The following C10orf90 variants were observed in gnomAD, a reference collection of about 807,000 sequenced individuals.
The protein encoded by C10orf90 is (E2-independent) E3 ubiquitin-conjugating enzyme FATS.
C10orf90 carries 56 observed loss-of-function variants against 62.5 expected under a neutral mutation model. That is an observed-to-expected ratio of 0.90 (90% confidence interval 0.72 to 1.12). The LOEUF (loss-of-function observed/expected upper bound fraction) is 1.12. C10orf90 is among the 50% of genes most tolerant of loss of function. The pLI, the probability that C10orf90 is intolerant of heterozygous loss-of-function variation, is 0.00. For missense variants in C10orf90, 970 were observed against 880.4 expected, an observed-to-expected ratio of 1.10 and a Z score of -1.29; for synonymous variants, 386 against 340.4, an observed-to-expected ratio of 1.13 and a Z score of -1.47.
chr10:126,493,764 T>C (rs574398032), intron 4 of C10orf90, among the ~76,000 whole-genome samples: 17 of 152,382 alleles, frequency 1.1e-4, no homozygotes, highest in Non-Finnish European at 1.5e-5. Flanking sequence ...CAGTGAATGA[T>C]GCTAGACCTG....
intron 2 of C10orf90, among the ~76,000 whole-genome samples, chr10:126,569,469 C>A (rs1004600232): frequency 1.3e-5 from 2 of 152,158 alleles, no homozygotes; most frequent in African/African-American, 2.4e-5. Flanking sequence ...ACTGGACCTG[C>A]CTTTGAGGGT....
intron 2 of C10orf90, among the ~76,000 whole-genome samples, chr10:126,627,181 A>G (rs954823277): frequency 6.6e-6 from 1 of 151,506 alleles, no homozygotes; most frequent in Non-Finnish European, 1.5e-5. Flanking sequence ...TTGTATTTTT[A>G]ACAAAGATGG....
At chr10:126,535,534 T>C (rs1191762950) in intron 2 of C10orf90, among the ~76,000 whole-genome samples, 6 of 148,132 alleles carry the variant, frequency 4.1e-5, no homozygotes, top group African/African-American at 1.5e-4. Flanking sequence ...AAAAAAAAAA[T>C]TGTCTTCTGT....
intron 4 of C10orf90, among the ~76,000 whole-genome samples, chr10:126,493,598 C>CT (rs1861878806): frequency 3.8e-5 from 1 of 26,420 alleles, no homozygotes; most frequent in Non-Finnish European, 6.4e-5. Flanking sequence ...CGCAGGTGAT[C>CT]GCCCACCTCG....
intron 2 of C10orf90, among the ~76,000 whole-genome samples, chr10:126,643,802 G>A (rs908722731): frequency 2.0e-5 from 3 of 152,206 alleles, no homozygotes; most frequent in African/African-American, 7.2e-5. Flanking sequence ...CACTGAGAGG[G>A]CTAAGAAAGA....
At position 126,453,566 on chromosome 10, in the gene C10orf90, C is replaced by T. The variant is rs907260315; in HGVS notation, c.2188+5474G>A. On this transcript the variant is annotated intron_variant, in intron 7 of 9. Coordinates refer to ENST00000488181, the MANE Select transcript of C10orf90 (RefSeq NM_001350921.2). This position sits in a 1 kb window ranked among gnomAD's most constrained non-coding sequence, Gnocchi z 4.9. ...ACTGAGAGAGCCATGGAAGAGGACC[C>T]GGACAGGCGTCCTCAGAGGGGGAAA... 2.0e-5 allele frequency among the ~76,000 whole-genome samples: 3 copies of T among 152,064 alleles called. No homozygotes were observed. The highest frequency in any genetic ancestry group is 2.9e-5 in the Non-Finnish European group (2 of 68,020).
intron 7 of C10orf90, among the ~76,000 whole-genome samples, chr10:126,446,522 T>G (rs974788692): frequency 1.3e-5 from 2 of 151,976 alleles, no homozygotes; most frequent in African/African-American, 2.4e-5. Context: ...AACCAAAAAT[T>G]CCTTACCTAA....
chr10:126,613,420 T>C (rs1008956748), intron 2 of C10orf90, among the ~76,000 whole-genome samples: 18 of 152,148 alleles, frequency 1.2e-4, no homozygotes, highest in African/African-American at 4.3e-4. Context: ...TGTTTCTTTC[T>C]TTTTCTGTAG....
At chr10:126,613,857 A>G (rs1221385195) in intron 2 of C10orf90, among the ~76,000 whole-genome samples, 1 of 152,214 alleles carries the variant, frequency 6.6e-6, no homozygotes, top group Non-Finnish European at 1.5e-5. Flanking sequence ...ATCTGAACAG[A>G]AACTGCGATA....
chr10:126,442,477 T>TTATATATATATATATATATA (rs1858408642), intron 7 of C10orf90, among the ~76,000 whole-genome samples: 2 of 11,760 alleles, frequency 1.7e-4, no homozygotes, highest in African/African-American at 5.0e-4. Flanking sequence ...CTTCAATATT[T>TTATATATATATATATATATA]CATATATATA....
chr10:126,482,364 A>G (rs973529083), intron 4 of C10orf90, among the ~76,000 whole-genome samples: 1 of 152,184 alleles, frequency 6.6e-6, no homozygotes, highest in African/African-American at 2.4e-5. Flanking sequence ...AGCAATTGCC[A>G]TGAGCAACAA....
In C10orf90 at chr10:126,477,076, A is replaced by ATTTTTTTTTT. The variant is rs551973906; in HGVS notation, c.1535-12100_1535-12091dup. ...AGGTGCCCAACATCACGCCTGGCTA[A>ATTTTTTTTTT]TTTTTTTTTTTTTTTTTTTTTTTTT... is the stretch of plus-strand genomic sequence containing the variant. On this transcript the variant is annotated intron_variant, in intron 4 of 9. Transcript: ENST00000488181. Among the ~76,000 whole-genome samples, 54 of 56,478 alleles carry ATTTTTTTTTT rather than the reference A, an allele frequency of 9.6e-4. 8 individuals carry two copies. Among genetic ancestry groups the ATTTTTTTTTT allele is most frequent in the Non-Finnish European group, 1.3e-3 (39 of 30,884 alleles). The allele number at this position is 56,478 out of a possible 152,430, so 37.1% of individuals were successfully genotyped here. A position where few individuals can be genotyped will look rare whatever the true frequency, so the allele number is the denominator to read the frequency against.
intron 2 of C10orf90, among the ~76,000 whole-genome samples, chr10:126,536,897 T>C (rs1315819233): frequency 6.6e-6 from 1 of 152,176 alleles, no homozygotes; most frequent in Non-Finnish European, 1.5e-5. Context: ...ACCACCACCC[T>C]GCCAACTCTG....
rs1014701593 is a variant in C10orf90 at position 126,425,197 on chromosome 10, A to G, written c.*667T>C. 2.6e-5 allele frequency: 4 copies of G among 152,144 alleles called. No homozygotes were observed. Among genetic ancestry groups the G allele is most frequent in the African/African-American group, 9.7e-5 (4 of 41,420 alleles). 9.4% of individuals were successfully genotyped at this position (152,144 alleles called of 1,614,324 possible). On this transcript the variant is annotated 3_prime_UTR_variant, in exon 10 of 10. Transcript: ENST00000488181. ...GGGCAGGAGGAGTATTGTAGAAAAC[A>G]CTGAAGTTACGTCAGAGCTTCCATA...
intron 4 of C10orf90, among the ~76,000 whole-genome samples, chr10:126,478,689 G>A (rs565693333): frequency 6.6e-6 from 1 of 152,226 alleles, no homozygotes; most frequent in Admixed American, 6.5e-5. Context: ...TGACCATCTC[G>A]GAGGGTGAGC....
intron 2 of C10orf90, among the ~76,000 whole-genome samples, chr10:126,636,712 A>G (rs934858617): frequency 6.6e-6 from 1 of 152,214 alleles, no homozygotes; most frequent in Non-Finnish European, 1.5e-5. Flanking sequence ...CTTTCAATTT[A>G]TGTTGCATTT....
At chr10:126,578,439 G>A (rs981478436) in intron 2 of C10orf90, among the ~76,000 whole-genome samples, 5 of 152,062 alleles carry the variant, frequency 3.3e-5, no homozygotes, top group African/African-American at 7.2e-5. Context: ...CAGAAACCAC[G>A]ACACACCCAT....
intron 1 of C10orf90, among the ~76,000 whole-genome samples, chr10:126,663,443 C>T (rs1202767169): frequency 6.6e-6 from 1 of 152,194 alleles, no homozygotes; most frequent in African/African-American, 2.4e-5. Context: ...GCAGCCTGCA[C>T]CATCTCTCTG....
At chr10:126,663,121 G>A (rs1254558246) in intron 1 of C10orf90, among the ~76,000 whole-genome samples, 3 of 152,212 alleles carry the variant, frequency 2.0e-5, no homozygotes, top group Non-Finnish European at 4.4e-5. Context: ...AAAACAGAGG[G>A]TGGTAAGAAC....
Sources: allele counts gnomAD v4.1 joint callset (sites outside exome capture counted in the v4.1 genomes callset), GRCh38; gene constraint gnomAD v4.1.1; non-coding constraint Gnocchi (gnomAD v3.1); transcripts MANE v1.5; gene names NCBI Gene and HGNC (gene_info 2026-07-23, HGNC 2026-07-21).